The following GRIN2B variants were observed in gnomAD, a reference collection of about 807,000 sequenced individuals.
The protein encoded by GRIN2B is glutamate ionotropic receptor NMDA type subunit 2B.
GRIN2B carries 5 observed loss-of-function variants against 114.5 expected under a neutral mutation model. That is an observed-to-expected ratio of 0.04 (90% CI 0.02 to 0.09). The LOEUF (loss-of-function observed/expected upper bound fraction) is 0.09. GRIN2B is among the 10% of genes least tolerant of loss of function. The pLI is 1.00. For missense variants in GRIN2B, 1,108 were observed against 1,943.5 expected (o/e 0.57, Z 8.08); for synonymous variants, 787 against 745.1 (o/e 1.06, Z -0.92).
chr12:13,633,651 T>C (rs944075080), intron 5 of GRIN2B, among the ~76,000 whole-genome samples: 1 of 152,198 alleles, frequency 6.6e-6, no homozygotes, highest in Non-Finnish European at 1.5e-5. Context: ...AACTAATATA[T>C]TCCTGACTTG....
rs182110073 is a variant in GRIN2B at position 13,933,859 on chromosome 12, C to A, written c.-19+46069G>T. Among the ~76,000 whole-genome samples, 13 of 152,264 alleles carry A rather than the reference C, an allele frequency of 8.5e-5. No individual in the cohort carries two copies. In the East Asian group the frequency reaches 2.5e-3, roughly 29 times the overall value. On this transcript the variant is annotated intron_variant, in intron 2 of 13. Transcript: ENST00000609686. ...TCTAAGCTAACAGAATGAGGTTCAC[C>A]CTGCCTGAAGGTGAGCAGGGCTAGA...
intron 3 of GRIN2B, among the ~76,000 whole-genome samples, chr12:13,783,246 A>C (rs1864153040): frequency 6.6e-6 from 1 of 152,082 alleles, no homozygotes; most frequent in Admixed American, 6.6e-5. Context: ...GGACACTGAA[A>C]AGACAAACAC....
intron 4 of GRIN2B, among the ~76,000 whole-genome samples, chr12:13,695,489 A>T (rs951408535): frequency 6.6e-6 from 1 of 152,188 alleles, no homozygotes; most frequent in Non-Finnish European, 1.5e-5. Flanking sequence ...AAGAGCGAGT[A>T]GTCTACTTGG....
intron 3 of GRIN2B, among the ~76,000 whole-genome samples, chr12:13,837,235 C>A (rs1287442847): frequency 6.6e-6 from 1 of 152,182 alleles, no homozygotes; most frequent in Non-Finnish European, 1.5e-5. Context: ...CACACCTCTC[C>A]CACAAAACAC....
At chr12:13,640,991 A>G (rs1949709372) in intron 5 of GRIN2B, among the ~76,000 whole-genome samples, 1 of 152,134 alleles carries the variant, frequency 6.6e-6, no homozygotes, top group Non-Finnish European at 1.5e-5. Flanking sequence ...CTTCCATAAA[A>G]ACTTCGGAAC....
At chr12:13,828,842 G>T (rs1309546419) in intron 3 of GRIN2B, among the ~76,000 whole-genome samples, 8 of 152,116 alleles carry the variant, frequency 5.3e-5, no homozygotes, top group Admixed American at 5.2e-4. Flanking sequence ...TATAGTTCCT[G>T]CTTATAAACC....
rs1379694938 is a variant in GRIN2B at position 13,571,905 on chromosome 12, G to A, written c.2070C>T (p.Ser690=). ...PFRFGTVPNG[S]TERNIRNNYA... is the part of the protein sequence containing the mutation. ...AGTTATTGCGAATATTTCTCTCTGT[G>A]CTGCCGTTGGGCACGGTCCCAAAGC... The change falls in exon 11 of 14, where the codon AGC becomes AGT. Residue 690 remains serine (S), a synonymous_variant. Coordinates refer to ENST00000609686, the MANE Select transcript of GRIN2B (RefSeq NM_000834.5). 14 of 1,614,044 alleles carry A rather than the reference G, an allele frequency of 8.7e-6. No homozygotes were observed. Among genetic ancestry groups the A allele is most frequent in the Non-Finnish European group, 1.2e-5 (14 of 1,180,024 alleles).
chr12:13,564,179 T>C lies in GRIN2B; in HGVS notation c.3059A>G (p.Lys1020Arg). Residue 1020 changes from lysine (K) to arginine (R), a missense_variant, in exon 14 of 14, where the codon AAG (lysine) becomes AGG (arginine). Coordinates refer to ENST00000609686, the MANE Select transcript of GRIN2B (RefSeq NM_000834.5). The surrounding 1 kb of genome is among the most constrained non-coding windows in gnomAD (Gnocchi z 4.8). ...GGGGAGGCCGATGTCCAGGGGCTTC[T>C]TGCTGATGGACCTGGACTGGGTGGT... Reference protein sequence around the residue: ...PFTTQSRSISKKPLDIGLPSS... With the variant: ...PFTTQSRSISRKPLDIGLPSS... The C allele has an allele frequency of 6.2e-7, 1 of 1,614,132 alleles. No individual in the cohort carries two copies. The highest frequency in any genetic ancestry group is 8.5e-7 in the Non-Finnish European group (1 of 1,179,996).
intron 2 of GRIN2B, among the ~76,000 whole-genome samples, chr12:13,908,472 T>C (rs1288763710): frequency 1.3e-5 from 2 of 152,170 alleles, no homozygotes; most frequent in African/African-American, 4.8e-5. Context: ...AAACTAAAGA[T>C]TAAAAGAGTT....
rs781329026 is a variant in GRIN2B, at chr12:13,866,191, C to T, written c.18G>A (p.Glu6=). 1 of 1,610,006 alleles carries T rather than the reference C, an allele frequency of 6.2e-7. No individual in the cohort carries two copies. Among genetic ancestry groups the T allele is most frequent in the Non-Finnish European group, 8.5e-7 (1 of 1,179,966 alleles). MKPRA[E]CCSPKFWLVL... is the part of the protein sequence containing the mutation. Reference sequence around the variant, plus strand: ...CCAACCAGAACTTGGGAGAACAGCACTCCGCTCTGGGCTTCATCTTCAACT... The same window carrying T: ...CCAACCAGAACTTGGGAGAACAGCATTCCGCTCTGGGCTTCATCTTCAACT... The change falls in exon 3 of 14, where the codon GAG becomes GAA. Residue 6 remains glutamate, a synonymous_variant. Transcript: ENST00000609686.
chr12:13,928,302 C>CAA (rs745858482), intron 2 of GRIN2B, among the ~76,000 whole-genome samples: 23 of 88,046 alleles, frequency 2.6e-4, no homozygotes, highest in African/African-American at 5.4e-4. Flanking sequence ...GACTTCATCT[C>CAA]AAAAAAAAAA....
intron 12 of GRIN2B, 99 bp from the exon 13 acceptor site, chr12:13,567,362 T>C (rs1031331726): frequency 1.5e-5 from 12 of 782,310 alleles, no homozygotes; most frequent in Admixed American, 2.2e-5. Context: ...AAGAGAAAGA[T>C]ACGTGACAGA....
chr12:13,648,573 G>C lies in GRIN2B; in HGVS notation c.1125+27172C>G, dbSNP rs188008129. Among the ~76,000 whole-genome samples the C allele has an allele frequency of 4.7e-4, 72 of 152,040 alleles. 2 individuals carry two copies. The East Asian group carries it at 0.012, about 26-fold the overall frequency. On this transcript the variant is annotated intron_variant, in intron 5 of 13. Transcript: ENST00000609686. ...TTTAAAATTTCCTCCCACTGCCACA[G>C]AGAAAGCAGTTTCTCCTTTGATGAA...
intron 2 of GRIN2B, among the ~76,000 whole-genome samples, chr12:13,886,358 G>A (rs976165204): frequency 6.6e-6 from 1 of 152,138 alleles, no homozygotes; most frequent in Non-Finnish European, 1.5e-5. Context: ...CACCCCACAT[G>A]CTCTGGCTTT....
chr12:13,797,837 C>A (rs1262076181), intron 3 of GRIN2B, among the ~76,000 whole-genome samples: 1 of 152,226 alleles, frequency 6.6e-6, no homozygotes, highest in Non-Finnish European at 1.5e-5. Flanking sequence ...CACGAAAGCA[C>A]AGGCTGGATA....
At chr12:13,566,565 C>T (rs761146552) in intron 13 of GRIN2B, among the ~76,000 whole-genome samples, 4 of 152,198 alleles carry the variant, frequency 2.6e-5, no homozygotes, top group Non-Finnish European at 5.9e-5. Flanking sequence ...TTCAACTCTC[C>T]ATAACCAACA....
intron 2 of GRIN2B, among the ~76,000 whole-genome samples, chr12:13,919,984 CAG>C (rs1866795725): frequency 6.6e-6 from 1 of 152,146 alleles, no homozygotes; most frequent in Non-Finnish European, 1.5e-5. Context: ...GCCATCAATT[CAG>C]ATTTTCTCCC....
At chr12:13,865,584 A>T (rs1865813538) in intron 3 of GRIN2B, among the ~76,000 whole-genome samples, 1 of 152,162 alleles carries the variant, frequency 6.6e-6, no homozygotes, top group Admixed American at 6.5e-5. Context: ...GTGAGCCGAG[A>T]TGGCATCATT....
intron 2 of GRIN2B, among the ~76,000 whole-genome samples, chr12:13,873,948 G>C (rs1039816535): frequency 6.6e-6 from 1 of 152,184 alleles, no homozygotes; most frequent in African/African-American, 2.4e-5. Context: ...GATCAGAGAA[G>C]AGCAGGATAG....
Sources: gnomAD v4.1 joint callset for allele counts (sites outside exome capture counted in the v4.1 genomes callset) on GRCh38, gnomAD v4.1.1 for gene constraint, Gnocchi (gnomAD v3.1) non-coding constraint, MANE v1.5 for transcripts, NCBI Gene and HGNC (gene_info 2026-07-23, HGNC 2026-07-21) for gene names.